Variants in CLASP1 observed in about 807,000 individuals in gnomAD.
The protein encoded by CLASP1 is cytoplasmic linker associated protein 1.
In CLASP1, 38 loss-of-function variants were observed where a neutral mutation model predicts 192.3. The observed-to-expected ratio is 0.20, with a 90% CI of 0.15 to 0.26. The LOEUF (loss-of-function observed/expected upper bound fraction) is 0.26. CLASP1 is among the 10% of genes least tolerant of loss of function. CLASP1 has a pLI of 1.00. For synonymous variants in CLASP1, 691 were observed against 712.8 expected (o/e 0.97, Z 0.49); for missense variants, 1,433 against 1,932.5 (o/e 0.74, Z 4.85).
At chr2:121,422,483 A>C (rs2079667619) in intron 22 of CLASP1, among the ~76,000 whole-genome samples, 1 of 152,238 alleles carries the variant, frequency 6.6e-6, no homozygotes. Flanking sequence ...GCAAACTTCC[A>C]AAATATAATC....
At chr2:121,638,303 A>T (rs12996845) in intron 1 of CLASP1, among the ~76,000 whole-genome samples, 11,105 of 151,560 alleles carry the variant, frequency 0.073, 423 homozygotes, top group Middle Eastern at 0.096. Flanking sequence ...AATAAAAATT[A>T]AAAAAAAACA....
chr2:121,616,362 G>A (rs1026523611), intron 1 of CLASP1, among the ~76,000 whole-genome samples: 6 of 152,068 alleles, frequency 3.9e-5, no homozygotes, highest in East Asian at 3.9e-4. Flanking sequence ...CAATAGAATC[G>A]CTTGAACCTG....
At chr2:121,571,326 C>T (rs960086469) in intron 2 of CLASP1, among the ~76,000 whole-genome samples, 4 of 151,978 alleles carry the variant, frequency 2.6e-5, no homozygotes, top group Non-Finnish European at 4.4e-5. Context: ...TAGGTGTGTG[C>T]CACCATGCCC....
chr2:121,582,785 CTTTTT>C (rs869194901), intron 2 of CLASP1, among the ~76,000 whole-genome samples: 1 of 143,034 alleles, frequency 7.0e-6, no homozygotes, highest in Non-Finnish European at 1.5e-5. Context: ...TTCTTTCTTC[CTTTTT>C]TTTTTTTTAA....
chr2:121,577,337 C>A (rs2060621657), intron 2 of CLASP1, among the ~76,000 whole-genome samples: 1 of 152,064 alleles, frequency 6.6e-6, no homozygotes, highest in African/African-American at 2.4e-5. Flanking sequence ...ACCTAAATCT[C>A]TATCAATAGG....
At chr2:121,646,897 G>A (rs985195538) in intron 1 of CLASP1, among the ~76,000 whole-genome samples, 11 of 151,990 alleles carry the variant, frequency 7.2e-5, no homozygotes, top group African/African-American at 1.4e-4. Flanking sequence ...AAAATTAGCC[G>A]GGCATGGTGG....
intron 32 of CLASP1, 82 bp downstream of exon 33, chr2:121,387,040 C>G (rs922824834): frequency 2.3e-5 from 27 of 1,152,346 alleles, no homozygotes; most frequent in Admixed American, 5.9e-5. Context: ...TTAGCTTAGT[C>G]TAAAAATCTA....
chr2:121,444,037 C>T (rs2083857409), intron 19 of CLASP1, among the ~76,000 whole-genome samples: 1 of 152,152 alleles, frequency 6.6e-6, no homozygotes. Context: ...TGGGTTTAAG[C>T]CTCTATTTAG....
intron 2 of CLASP1, among the ~76,000 whole-genome samples, chr2:121,587,281 A>G (rs970415219): frequency 6.6e-6 from 1 of 152,106 alleles, no homozygotes; most frequent in Non-Finnish European, 1.5e-5. Context: ...AATAGATCAG[A>G]ACCTTAAGGG....
At chr2:121,456,503 A>G (rs2086694556) in intron 14 of CLASP1, among the ~76,000 whole-genome samples, 1 of 151,412 alleles carries the variant, frequency 6.6e-6, no homozygotes, top group Non-Finnish European at 1.5e-5. Context: ...GAAAGGCAAG[A>G]AAGGAAGGAA....
At chr2:121,494,062 T>C (rs898357324) in intron 8 of CLASP1, among the ~76,000 whole-genome samples, 1 of 152,066 alleles carries the variant, frequency 6.6e-6, no homozygotes, top group Non-Finnish European at 1.5e-5. Flanking sequence ...ACACTAAAAC[T>C]AGAACTACCA....
rs185476979 is a variant in CLASP1 at position 121,377,952 on chromosome 2, T to C, written c.3492-303A>G. Among the ~76,000 whole-genome samples the C allele has an allele frequency of 2.2e-3, 331 of 152,188 alleles. 2 individuals carry two copies. Among genetic ancestry groups the C allele is most frequent in the Middle Eastern group, 0.02 (6 of 294 alleles). On this transcript the variant is annotated intron_variant, in intron 33 of 39. Coordinates refer to ENST00000263710, the Ensembl canonical transcript of CLASP1. ...ACTGGTGACTGAAGGCACGAGATAA[T>C]GAAAGTGGAAAAATAACTTTCTTAT... is the stretch of plus-strand genomic sequence containing the variant.
At chr2:121,576,120 T>A (rs1430283142) in intron 2 of CLASP1, among the ~76,000 whole-genome samples, 1 of 152,230 alleles carries the variant, frequency 6.6e-6, no homozygotes, top group South Asian at 2.1e-4. Context: ...AGAGGTCTTT[T>A]CATTTATTAG....
intron 1 of CLASP1, among the ~76,000 whole-genome samples, chr2:121,615,750 C>CTCCA (rs2066345122): frequency 6.6e-6 from 1 of 152,068 alleles, no homozygotes; most frequent in Non-Finnish European, 1.5e-5. Context: ...TGCCACTGCA[C>CTCCA]TCCAGCCTGG....
At chr2:121,382,133 C>G in intron 33 of CLASP1, 75 bp downstream of exon 34, 1 of 1,222,542 alleles carries the variant, frequency 8.2e-7, no homozygotes, top group African/African-American at 1.5e-5. Context: ...AGAGGCTTTC[C>G]CAAAGACCTG....
At chr2:121,529,276 G>C (rs1395699196) in intron 3 of CLASP1, among the ~76,000 whole-genome samples, 2 of 152,150 alleles carry the variant, frequency 1.3e-5, no homozygotes, top group Non-Finnish European at 2.9e-5. Context: ...CATACCCAGG[G>C]TGGACCCTCC....
intron 34 of CLASP1, among the ~76,000 whole-genome samples, chr2:121,368,520 C>G (rs903298622): frequency 2.0e-5 from 3 of 152,112 alleles, no homozygotes; most frequent in South Asian, 2.1e-4. Flanking sequence ...TGACTGGGCC[C>G]TTGACATGGT....
At chr2:121,487,587 T>C (rs2093057732) in intron 8 of CLASP1, among the ~76,000 whole-genome samples, 1 of 152,166 alleles carries the variant, frequency 6.6e-6, no homozygotes, top group Non-Finnish European at 1.5e-5. Flanking sequence ...GACCTTGACA[T>C]GGTTAGGGAG....
intron 34 of CLASP1, among the ~76,000 whole-genome samples, chr2:121,370,717 T>C: frequency 6.6e-6 from 1 of 152,174 alleles, no homozygotes; most frequent in South Asian, 2.1e-4. Context: ...AGCATCTTCA[T>C]GGCACTTCCT....
Sources: allele counts gnomAD v4.1 joint callset (sites outside exome capture counted in the v4.1 genomes callset), GRCh38; gene constraint gnomAD v4.1.1; transcripts MANE v1.5; gene names NCBI Gene and HGNC (gene_info 2026-07-23, HGNC 2026-07-21).